Variants in CFAP299 observed in about 807,000 individuals in gnomAD.
CFAP299 encodes the protein cilia and flagella associated protein 299.
In CFAP299, 21 loss-of-function variants were observed where a neutral mutation model predicts 27.0. The ratio of observed to expected loss-of-function variants is 0.78; its 90% confidence interval spans 0.55 to 1.12. The LOEUF is 1.12. CFAP299 is among the 50% of genes most tolerant of loss of function. The pLI is 0.00. For missense variants in CFAP299, 310 were observed against 276.6 expected, an observed-to-expected ratio of 1.12 and a Z score of -0.86; for synonymous variants, 104 against 98.1, an observed-to-expected ratio of 1.06 and a Z score of -0.36.
chr4:80,830,307 A>G (rs1393897220), intron 3 of CFAP299, among the ~76,000 whole-genome samples: 1 of 152,128 alleles, frequency 6.6e-6, no homozygotes, highest in Non-Finnish European at 1.5e-5. Flanking sequence ...ATGTATTATG[A>G]TAGGGAACAG....
At chr4:80,834,475 C>G (rs760768050) in intron 3 of CFAP299, among the ~76,000 whole-genome samples, 23 of 152,150 alleles carry the variant, frequency 1.5e-4, no homozygotes, top group Non-Finnish European at 2.6e-4. Flanking sequence ...AATGTGTGGT[C>G]ATAGTGTTAT....
intron 3 of CFAP299, among the ~76,000 whole-genome samples, chr4:80,794,210 C>T (rs1727726643): frequency 6.6e-6 from 1 of 152,170 alleles, no homozygotes; most frequent in Non-Finnish European, 1.5e-5. Context: ...CCCAAAATGT[C>T]CAGATGGCAA....
chr4:80,578,299 G>C (rs1199012073), intron 2 of CFAP299, among the ~76,000 whole-genome samples: 1 of 152,098 alleles, frequency 6.6e-6, no homozygotes, highest in Non-Finnish European at 1.5e-5. Context: ...AAAGATTTAA[G>C]AATTCCTTAC....
intron 2 of CFAP299, among the ~76,000 whole-genome samples, chr4:80,518,784 C>T (rs566280136): frequency 4.6e-5 from 7 of 152,194 alleles, no homozygotes; most frequent in African/African-American, 1.7e-4. Flanking sequence ...ATGGGGCCCT[C>T]AAGTTGCTTA....
At chr4:80,379,220 G>A (rs1240423135) in intron 2 of CFAP299, among the ~76,000 whole-genome samples, 5 of 152,000 alleles carry the variant, frequency 3.3e-5, no homozygotes, top group Non-Finnish European at 7.4e-5. Context: ...TAGGCATAAA[G>A]TCATTCTTAA....
At chr4:80,735,421 T>C (rs1602804) in intron 3 of CFAP299, among the ~76,000 whole-genome samples, 52,512 of 151,880 alleles carry the variant, frequency 0.35, 11,416 homozygotes, top group African/African-American at 0.61. Flanking sequence ...AATTTGGATG[T>C]TCTTTATTCC....
intron 3 of CFAP299, among the ~76,000 whole-genome samples, chr4:80,597,531 C>A (rs199883229): frequency 6.6e-6 from 1 of 152,110 alleles, no homozygotes; most frequent in African/African-American, 2.4e-5. Context: ...CAAATTTTAA[C>A]GTGGTCCAAT....
At chr4:80,898,092 T>C (rs1410310103) in intron 4 of CFAP299, among the ~76,000 whole-genome samples, 1 of 152,196 alleles carries the variant, frequency 6.6e-6, no homozygotes, top group African/African-American at 2.4e-5. Flanking sequence ...AGGGCTCTTT[T>C]AGCTCTGCCA....
intron 3 of CFAP299, among the ~76,000 whole-genome samples, chr4:80,772,749 T>C (rs1726293140): frequency 6.6e-6 from 1 of 152,086 alleles, no homozygotes; most frequent in South Asian, 2.1e-4. Context: ...GAGTGTGTTA[T>C]TCCCCTCCCT....
At chr4:80,727,511 G>T (rs1723228922) in intron 3 of CFAP299, among the ~76,000 whole-genome samples, 1 of 152,034 alleles carries the variant, frequency 6.6e-6, no homozygotes, top group Non-Finnish European at 1.5e-5. Flanking sequence ...TCTTGAGCCA[G>T]ACTAGCTGAA....
intron 3 of CFAP299, among the ~76,000 whole-genome samples, chr4:80,745,626 T>A (rs1432343024): frequency 6.6e-6 from 1 of 152,114 alleles, no homozygotes; most frequent in Non-Finnish European, 1.5e-5. Flanking sequence ...ATTCAGTTTA[T>A]ATTATTATTA....
At chr4:80,387,845 C>A (rs1725100558) in intron 2 of CFAP299, 1 of 1,392,210 alleles carries the variant, frequency 7.2e-7, no homozygotes, top group Non-Finnish European at 1.0e-6. Context: ...CCCCTGGTAC[C>A]TTTAGCCCGT....
chr4:80,435,226 A>G (rs1211067874), intron 2 of CFAP299, among the ~76,000 whole-genome samples: 2 of 152,198 alleles, frequency 1.3e-5, no homozygotes, highest in Admixed American at 1.3e-4. Flanking sequence ...TGGGAGCCAG[A>G]CCAGAGGCAA....
intron 2 of CFAP299, among the ~76,000 whole-genome samples, chr4:80,364,089 A>AACACACACACACACACACACACAC (rs56300395): frequency 0.2 from 22,291 of 110,390 alleles, 3,173 homozygotes; most frequent in Non-Finnish European, 0.24. Context: ...TCCGTCTCAA[A>AACACACACACACACACACACACAC]ACACACACAC....
At chr4:80,826,307 A>G (rs1355506446) in intron 3 of CFAP299, among the ~76,000 whole-genome samples, 2 of 151,768 alleles carry the variant, frequency 1.3e-5, no homozygotes, top group Non-Finnish European at 3.0e-5. Context: ...AAAATGAGGG[A>G]CAAAAAATCT....
At chr4:80,741,695 A>T (rs1724282547) in intron 3 of CFAP299, among the ~76,000 whole-genome samples, 1 of 152,142 alleles carries the variant, frequency 6.6e-6, no homozygotes, top group South Asian at 2.1e-4. Flanking sequence ...ATGCCAGCTA[A>T]TGTCTCCCTG....
chr4:80,893,115 G>T (rs1159900077), intron 4 of CFAP299, among the ~76,000 whole-genome samples: 4 of 151,212 alleles, frequency 2.6e-5, no homozygotes, highest in Admixed American at 6.6e-5. Flanking sequence ...AGAAATTTAA[G>T]AAAAAGCCCA....
chr4:80,514,074 A>G, intron 2 of CFAP299, among the ~76,000 whole-genome samples: 1 of 152,082 alleles, frequency 6.6e-6, no homozygotes, highest in Non-Finnish European at 1.5e-5. Flanking sequence ...GGAGTCCCTC[A>G]AAAATGTGTG....
At chr4:80,764,984 A>G (rs1239089749) in intron 3 of CFAP299, among the ~76,000 whole-genome samples, 1 of 152,090 alleles carries the variant, frequency 6.6e-6, no homozygotes, top group Non-Finnish European at 1.5e-5. Context: ...CAAATACCTA[A>G]TGCATTTGGG....
Sources: allele counts gnomAD v4.1 joint callset (sites outside exome capture counted in the v4.1 genomes callset), GRCh38; gene constraint gnomAD v4.1.1; transcripts MANE v1.5; gene names NCBI Gene and HGNC (gene_info 2026-07-23, HGNC 2026-07-21).